Variants in PTPN13 observed in about 807,000 individuals in gnomAD.
PTPN13 encodes the protein tyrosine-protein phosphatase non-receptor type 13.
Under a neutral mutation model 284.0 loss-of-function variants are expected in PTPN13, and 191 were observed. The ratio of observed to expected loss-of-function variants is 0.67; its 90% CI spans 0.60 to 0.76. The LOEUF (loss-of-function observed/expected upper bound fraction) is 0.76. Among genes scored for constraint, PTPN13 ranks in the 30% least tolerant of loss-of-function variants. The pLI, the probability that PTPN13 is intolerant of heterozygous loss-of-function variation, is 0.00. For missense variants in PTPN13, 2,797 were observed against 2,939.9 expected (o/e 0.95, Z 1.12); for synonymous variants, 986 against 1,022.3 (o/e 0.96, Z 0.68).
At chr4:86,802,594 G>T (rs1258326730) in intron 42 of PTPN13, among the ~76,000 whole-genome samples, 1 of 152,176 alleles carries the variant, frequency 6.6e-6, no homozygotes, top group East Asian at 1.9e-4. Context: ...GTGTGGGAGT[G>T]TGCTAGGGCT....
At chr4:86,746,226 C>A (rs1016707396) in intron 17 of PTPN13, among the ~76,000 whole-genome samples, 12 of 152,098 alleles carry the variant, frequency 7.9e-5, no homozygotes, top group Non-Finnish European at 1.8e-4. Context: ...ATTTAAATTT[C>A]AGAGAGATAA....
At chr4:86,762,412 C>T (rs1289313459) in intron 23 of PTPN13, among the ~76,000 whole-genome samples, 1 of 151,998 alleles carries the variant, frequency 6.6e-6, no homozygotes, top group Non-Finnish European at 1.5e-5. Flanking sequence ...TTAATAAGGA[C>T]AAAGAATGTG....
chr4:86,721,570 C>T (rs1476918916), intron 9 of PTPN13, among the ~76,000 whole-genome samples: 1 of 152,018 alleles, frequency 6.6e-6, no homozygotes, highest in Non-Finnish European at 1.5e-5. Flanking sequence ...GTAGTATGAT[C>T]AGTTTCATTA....
chr4:86,804,396 T>G (rs1744428183), intron 43 of PTPN13, among the ~76,000 whole-genome samples: 1 of 152,220 alleles, frequency 6.6e-6, no homozygotes, highest in Non-Finnish European at 1.5e-5. Context: ...CTAAGCTTTG[T>G]AGCCACTAAA....
Position 86,728,787 on chromosome 4 carries a change from C to G in PTPN13, c.1609-3613C>G, listed in dbSNP as rs1172063917. ...TACAGCACACTGATGAGTCTTGACT[C>G]TTTATCCAATTTGCCAGTTTGTGTC... On this transcript the variant is annotated intron_variant, in intron 10 of 47. Coordinates refer to ENST00000411767, the MANE Select transcript of PTPN13 (RefSeq NM_080683.3). Among the ~76,000 whole-genome samples the G allele has an allele frequency of 8.3e-5, 12 of 145,420 alleles. 1 individual carries two copies. Among genetic ancestry groups the G allele is most frequent in the African/African-American group, 3.0e-4 (12 of 39,996 alleles).
chr4:86,636,811 A>G (rs550827522), intron 2 of PTPN13, among the ~76,000 whole-genome samples: 4 of 152,314 alleles, frequency 2.6e-5, no homozygotes, highest in Admixed American at 6.5e-5. Flanking sequence ...ACCAGAAGGC[A>G]AGAAATAACT....
At position 86,770,193 on chromosome 4, in the gene PTPN13, G is replaced by A. The variant is rs771111737; in HGVS notation, c.4797G>A (p.Ala1599=). The A allele has an allele frequency of 2.8e-5, 45 of 1,612,312 alleles. No individual in the cohort carries two copies. The Middle Eastern group carries it at 4.9e-4, about 18-fold the overall frequency. ...GTGTGCTACCGGAAATTGATACTGC[G>A]CTTTTGGTGAGACTTATGAAAAGTA... ...PPGVLPEIDT[A]LLTPLQSPAQ... The change falls in exon 30 of 48, where the codon GCG becomes GCA. Residue 1599 remains alanine, a synonymous_variant. Coordinates refer to ENST00000411767, the MANE Select transcript of PTPN13 (RefSeq NM_080683.3).
At chr4:86,751,619 C>T (rs1737397189) in intron 19 of PTPN13, among the ~76,000 whole-genome samples, 1 of 152,184 alleles carries the variant, frequency 6.6e-6, no homozygotes, top group South Asian at 2.1e-4. Context: ...CACGCCCAGT[C>T]TGTTAGCTTC....
In PTPN13 at chr4:86,722,212, C is replaced by T; in HGVS notation, c.1386C>T (p.Ser462=). 6.2e-7 allele frequency: 1 copy of T among 1,606,202 alleles called. No homozygotes were observed. Among genetic ancestry groups the T allele is most frequent in the Non-Finnish European group, 8.5e-7 (1 of 1,172,994 alleles). The change falls in exon 10 of 48, where the codon AGC becomes AGT. Residue 462 remains serine, a splice_region_variant and synonymous_variant. Coordinates refer to ENST00000411767, the MANE Select transcript of PTPN13 (RefSeq NM_080683.3). ...TLSQGQSQRP[S]RQYETPFEGN... Reference sequence around the variant, plus strand: ...CACCTGTCTCCTCTTTTCTATATAGCAGACAATATGAAACACCCTTTGAAG... The same window carrying T: ...CACCTGTCTCCTCTTTTCTATATAGTAGACAATATGAAACACCCTTTGAAG...
At chr4:86,626,709 TA>T in intron 1 of PTPN13, among the ~76,000 whole-genome samples, 1 of 152,080 alleles carries the variant, frequency 6.6e-6, no homozygotes, top group Non-Finnish European at 1.5e-5. Context: ...CTGAATAAAT[TA>T]AAAATACAAT....
intron 2 of PTPN13, among the ~76,000 whole-genome samples, chr4:86,647,819 A>G (rs918780648): frequency 6.6e-6 from 1 of 152,098 alleles, no homozygotes; most frequent in East Asian, 1.9e-4. Context: ...TAGAGAGAAG[A>G]TGGCCATCTA....
intron 17 of PTPN13, among the ~76,000 whole-genome samples, chr4:86,747,193 G>A (rs748120014): frequency 1.3e-5 from 2 of 152,258 alleles, no homozygotes; most frequent in Non-Finnish European, 2.9e-5. Flanking sequence ...ATATGGTATA[G>A]CAGTTAAGAG....
At chr4:86,640,616 G>A (rs1723674625) in intron 2 of PTPN13, among the ~76,000 whole-genome samples, 1 of 152,126 alleles carries the variant, frequency 6.6e-6, no homozygotes, top group Non-Finnish European at 1.5e-5. Context: ...AGGAGGGAGA[G>A]AGAATACCTC....
Position 86,731,623 on chromosome 4 carries a change from A to T in PTPN13, c.1609-777A>T, listed in dbSNP as rs990878045. 4.6e-5 allele frequency among the ~76,000 whole-genome samples: 7 copies of T among 152,120 alleles called. 1 individual carries two copies. The highest frequency in any genetic ancestry group is 5.9e-5 in the Non-Finnish European group (4 of 67,972). On this transcript the variant is annotated intron_variant, in intron 10 of 47. Coordinates refer to ENST00000411767, the MANE Select transcript of PTPN13 (RefSeq NM_080683.3). ...AGTAGATGTCTTTTAACTATGACCA[A>T]TTTTTTTGTTTTTGTCTGTTTGCTT...
chr4:86,622,191 A>C (rs1158982702), intron 1 of PTPN13, among the ~76,000 whole-genome samples: 1 of 152,216 alleles, frequency 6.6e-6, no homozygotes, highest in Non-Finnish European at 1.5e-5. Context: ...GACTGATAGA[A>C]TATGGAGAAT....
In PTPN13 at chr4:86,814,619, C is replaced by T; in HGVS notation, c.*68C>T. 7.7e-7 allele frequency: 1 copy of T among 1,295,126 alleles called. No individual in the cohort carries two copies. The highest frequency in any genetic ancestry group is 1.1e-6 in the Non-Finnish European group (1 of 907,430). The allele number at this position is 1,295,126 out of a possible 1,614,324, so 80.2% of individuals were successfully genotyped here. A position where few individuals can be genotyped will look rare whatever the true frequency, so the allele number is the denominator to read the frequency against. ...CCTCCAGCAGACTCCTGCTCTCTAT[C>T]CAAAATAAAGATCACAGAGCAGCAA... On this transcript the variant is annotated 3_prime_UTR_variant, in exon 48 of 48. Transcript: ENST00000411767.
At chr4:86,773,199 A>G (rs1740200409) in intron 32 of PTPN13, among the ~76,000 whole-genome samples, 1 of 152,206 alleles carries the variant, frequency 6.6e-6, no homozygotes, top group African/African-American at 2.4e-5. Context: ...CTATGGACCA[A>G]TCACTTAATT....
At chr4:86,797,875 G>GT (rs1743527037) in intron 41 of PTPN13, among the ~76,000 whole-genome samples, 1 of 151,420 alleles carries the variant, frequency 6.6e-6, no homozygotes, top group African/African-American at 2.4e-5. Flanking sequence ...TGAGGGAAAG[G>GT]GTTTTTATCT....
chr4:86,635,279 C>T lies in PTPN13; in HGVS notation c.23C>T (p.Ala8Val), dbSNP rs1722882969. The change falls in exon 2 of 48, where the codon GCC (alanine) becomes GTC (valine). Residue 8 changes from alanine (A) to valine (V), a missense_variant. By Grantham distance (64) the Ala-to-Val change is moderately conservative (BLOSUM62 0). Transcript: ENST00000411767. The stretch of plus-strand genomic sequence containing the variant: ...AATATGCACGTGTCACTAGCTGAGG[C>T]CCTGGAGGTTCGGGGTGGACCACTT... MHVSLAE[A>V]LEVRGGPLQE... 1 of 1,604,898 alleles carries T rather than the reference C, an allele frequency of 6.2e-7. No individual in the cohort carries two copies. Among genetic ancestry groups the T allele is most frequent in the African/African-American group, 1.3e-5 (1 of 74,836 alleles).
Sources: gnomAD v4.1 joint callset for allele counts (sites outside exome capture counted in the v4.1 genomes callset) on GRCh38, gnomAD v4.1.1 for gene constraint, MANE v1.5 for transcripts, NCBI Gene and HGNC (gene_info 2026-07-23, HGNC 2026-07-21) for gene names.